SLC24A3: variants seen among roughly 807,000 people sequenced by gnomAD.
SLC24A3 encodes the protein solute carrier family 24 member 3, also known as sodium/potassium/calcium exchanger 3.
In SLC24A3, 28 loss-of-function variants were observed where a neutral mutation model predicts 75.8. That is an observed-to-expected ratio of 0.37 (90% confidence interval 0.27 to 0.51). The LOEUF is 0.51. Ranked by LOEUF, SLC24A3 falls within the 20% of genes least tolerant of loss-of-function variation. SLC24A3 has a pLI of 0.94. For synonymous variants in SLC24A3, 372 were observed against 334.1 expected (o/e 1.11, Z -1.24); for missense variants, 663 against 847.8 (o/e 0.78, Z 2.71).
At chr20:19,598,173 A>G (rs899457647) in intron 6 of SLC24A3, among the ~76,000 whole-genome samples, 1 of 152,148 alleles carries the variant, frequency 6.6e-6, no homozygotes, top group Non-Finnish European at 1.5e-5. Flanking sequence ...TTTTTATTCT[A>G]GGCCAATCTC....
intron 11 of SLC24A3, among the ~76,000 whole-genome samples, chr20:19,684,565 C>T (rs1041791565): frequency 3.9e-5 from 6 of 152,222 alleles, no homozygotes; most frequent in Admixed American, 6.5e-5. Flanking sequence ...GAAAACTCCC[C>T]TGTTCCTTCT....
chr20:19,531,459 A>G (rs6046163), intron 3 of SLC24A3, among the ~76,000 whole-genome samples: 131,321 of 152,254 alleles, frequency 0.86, 56,872 homozygotes, highest in Middle Eastern at 0.91. Context: ...CATTGACTGG[A>G]GCCCACTGTT....
intron 1 of SLC24A3, among the ~76,000 whole-genome samples, chr20:19,246,659 TG>T (rs1331890899): frequency 3.9e-5 from 6 of 152,206 alleles, no homozygotes; most frequent in Non-Finnish European, 8.8e-5. Context: ...AAATCTATGA[TG>T]TAATTTATCT....
At chr20:19,657,344 T>A (rs985104903) in intron 7 of SLC24A3, among the ~76,000 whole-genome samples, 5 of 152,226 alleles carry the variant, frequency 3.3e-5, no homozygotes, top group Non-Finnish European at 5.9e-5. Context: ...CAACAGGCTC[T>A]TGGGTAGGGC....
At chr20:19,235,158 A>G (rs1355371551) in intron 1 of SLC24A3, among the ~76,000 whole-genome samples, 1 of 152,238 alleles carries the variant, frequency 6.6e-6, no homozygotes, top group Non-Finnish European at 1.5e-5. Context: ...CATGCCCTGC[A>G]TGGGATGTCT....
At chr20:19,269,736 C>A (rs1983268306) in intron 1 of SLC24A3, among the ~76,000 whole-genome samples, 1 of 149,046 alleles carries the variant, frequency 6.7e-6, no homozygotes, top group South Asian at 2.1e-4. Flanking sequence ...GACACAGATG[C>A]CCCCTGTTGC....
At chr20:19,386,095 C>G (rs939667418) in intron 2 of SLC24A3, among the ~76,000 whole-genome samples, 2 of 152,130 alleles carry the variant, frequency 1.3e-5, no homozygotes, top group African/African-American at 4.8e-5. Flanking sequence ...TCATTTTTTT[C>G]AGCAGTGCTT....
At chr20:19,717,143 G>A (rs562826598) in intron 15 of SLC24A3, among the ~76,000 whole-genome samples, 1 of 152,266 alleles carries the variant, frequency 6.6e-6, no homozygotes, top group Admixed American at 6.5e-5. Context: ...CATCCTAAAA[G>A]CAGTACGGGT....
chr20:19,533,646 G>T (rs1207600313), intron 3 of SLC24A3, among the ~76,000 whole-genome samples: 1 of 152,168 alleles, frequency 6.6e-6, no homozygotes, highest in Non-Finnish European at 1.5e-5. Flanking sequence ...TGGCTGGCAT[G>T]GTTGGGTCAA....
At chr20:19,576,823 T>A (rs143169374) in intron 3 of SLC24A3, among the ~76,000 whole-genome samples, 221 of 152,294 alleles carry the variant, frequency 1.5e-3, no homozygotes, top group African/African-American at 4.8e-3. Context: ...GTGAGTTGAA[T>A]ATGTCAGCTA....
chr20:19,700,565 G>C (rs921170502), intron 15 of SLC24A3, among the ~76,000 whole-genome samples: 1 of 152,196 alleles, frequency 6.6e-6, no homozygotes, highest in Non-Finnish European at 1.5e-5. Flanking sequence ...GTTGGACCCT[G>C]TAGCTCTAGA....
chr20:19,636,048 G>A (rs2031998271), intron 6 of SLC24A3, among the ~76,000 whole-genome samples: 1 of 152,190 alleles, frequency 6.6e-6, no homozygotes, highest in Non-Finnish European at 1.5e-5. Context: ...GCTGAGGCAG[G>A]AGAATGGCAT....
intron 2 of SLC24A3, among the ~76,000 whole-genome samples, chr20:19,338,074 AG>A (rs893265389): frequency 6.6e-6 from 1 of 152,224 alleles, no homozygotes; most frequent in Non-Finnish European, 1.5e-5. Context: ...AGAACTGGGA[AG>A]AAAAAAATGT....
intron 3 of SLC24A3, among the ~76,000 whole-genome samples, chr20:19,556,491 C>A (rs1008146135): frequency 6.7e-6 from 1 of 149,218 alleles, no homozygotes; most frequent in Admixed American, 6.7e-5. Flanking sequence ...TTTCTTCCAG[C>A]AAACCCTAAA....
At chr20:19,479,456 C>G (rs2122516636) in intron 2 of SLC24A3, among the ~76,000 whole-genome samples, 1 of 152,320 alleles carries the variant, frequency 6.6e-6, no homozygotes, top group East Asian at 1.9e-4. Context: ...GAATGAAAAC[C>G]ATCCTCTTTT....
intron 3 of SLC24A3, among the ~76,000 whole-genome samples, chr20:19,571,753 A>G (rs183794648): frequency 6.6e-6 from 1 of 152,324 alleles, no homozygotes; most frequent in East Asian, 1.9e-4. Flanking sequence ...ATGGCTCCCA[A>G]AGACTTTCCC....
At chr20:19,573,733 G>T (rs1488985233) in intron 3 of SLC24A3, among the ~76,000 whole-genome samples, 3 of 152,160 alleles carry the variant, frequency 2.0e-5, no homozygotes, top group Admixed American at 6.5e-5. Context: ...CACGCCGGAA[G>T]ATAGGGTGAC....
Position 19,262,310 on chromosome 20 carries a change from C to A in SLC24A3, c.143-18649C>A, listed in dbSNP as rs1317344092. On this transcript the variant is annotated intron_variant, in intron 1 of 16. Transcript: ENST00000328041. Reference sequence around the variant, plus strand: ...GTCCCAGCTACGCGGGAGGCTGAGGCAGGAGAATGGCGTGAACCCGGGAGG... The same window carrying A: ...GTCCCAGCTACGCGGGAGGCTGAGGAAGGAGAATGGCGTGAACCCGGGAGG... Among the ~76,000 whole-genome samples the A allele has an allele frequency of 2.0e-5, 3 of 147,192 alleles. No individual in the cohort carries two copies. In the East Asian group the frequency reaches 6.0e-4, roughly 29 times the overall value.
At chr20:19,248,115 A>C (rs951213600) in intron 1 of SLC24A3, among the ~76,000 whole-genome samples, 2 of 152,178 alleles carry the variant, frequency 1.3e-5, no homozygotes, top group African/African-American at 4.8e-5. Flanking sequence ...ACATAGTCCC[A>C]AAAATAGAAA....
Sources: allele counts gnomAD v4.1 joint callset (sites outside exome capture counted in the v4.1 genomes callset), GRCh38; gene constraint gnomAD v4.1.1; transcripts MANE v1.5; gene names NCBI Gene and HGNC (gene_info 2026-07-23, HGNC 2026-07-21).